ZMYND8: variants seen among roughly 807,000 people sequenced by gnomAD.
The protein encoded by ZMYND8 is zinc finger MYND-type containing 8.
Under a neutral mutation model 140.8 loss-of-function variants are expected in ZMYND8, and 37 were observed. The ratio of observed to expected loss-of-function variants is 0.26; its 90% CI spans 0.20 to 0.35. ZMYND8 has a LOEUF of 0.35. Ranked by LOEUF, ZMYND8 falls within the 10% of genes least tolerant of loss-of-function variation. ZMYND8 has a pLI of 1.00. For missense variants in ZMYND8, 1,068 were observed against 1,570.0 expected (o/e 0.68, Z 5.40); for synonymous variants, 592 against 597.1 (o/e 0.99, Z 0.12).
At chr20:47,268,919 G>T (rs1249006254) in intron 11 of ZMYND8, among the ~76,000 whole-genome samples, 1 of 152,160 alleles carries the variant, frequency 6.6e-6, no homozygotes, top group Non-Finnish European at 1.5e-5. Context: ...GATATGACAA[G>T]GCCGGACGCA....
At chr20:47,289,308 A>C (rs1163931448) in intron 7 of ZMYND8, among the ~76,000 whole-genome samples, 3 of 152,210 alleles carry the variant, frequency 2.0e-5, no homozygotes, top group Non-Finnish European at 4.4e-5. Flanking sequence ...AGACAATATC[A>C]ACCCTTATAG....
chr20:47,305,885 C>T (rs898688041), intron 3 of ZMYND8, among the ~76,000 whole-genome samples: 9 of 152,152 alleles, frequency 5.9e-5, no homozygotes, highest in Non-Finnish European at 1.3e-4. Flanking sequence ...AAGACCCTGA[C>T]GTCATTTGGG....
In ZMYND8 at chr20:47,290,273, T is replaced by C; in HGVS notation, c.662A>G (p.Asn221Ser). ...HPMDLCTLEKNAKKKMYGCTE... is the reference protein window; with the variant it reads ...HPMDLCTLEKSAKKKMYGCTE... ...GCAGCCATACATTTTCTTTTTCGCA[T>C]TCTGGGAAGAAAAGCGATGGAGCAT... Residue 221 changes from asparagine (N) to serine (S), a missense_variant and splice_region_variant, in exon 7 of 23, where the codon AAT becomes AGT. Asn to Ser is a conservative substitution (Grantham distance 46). Transcript: ENST00000471951. 1 of 1,613,290 alleles carries C rather than the reference T, an allele frequency of 6.2e-7. No homozygotes were observed. The highest frequency in any genetic ancestry group is 8.5e-7 in the Non-Finnish European group (1 of 1,179,702).
At chr20:47,215,481 A>G (rs527649991) in intron 21 of ZMYND8, among the ~76,000 whole-genome samples, 8 of 152,012 alleles carry the variant, frequency 5.3e-5, no homozygotes, top group African/African-American at 9.7e-5. Context: ...TGTGTAAAGA[A>G]AGGGAAATGG....
intron 9 of ZMYND8, among the ~76,000 whole-genome samples, chr20:47,282,732 A>T (rs1366075085): frequency 1.3e-5 from 2 of 151,918 alleles, no homozygotes; most frequent in Non-Finnish European, 2.9e-5. Context: ...TCAAAAAAAA[A>T]AAAACAAAAA....
intron 12 of ZMYND8, 100 bp downstream of exon 12, chr20:47,262,188 A>G: frequency 6.5e-7 from 1 of 1,534,212 alleles, no homozygotes; most frequent in Non-Finnish European, 8.9e-7. Context: ...GCATAGAGAA[A>G]AGAGTTGAAG....
In ZMYND8 at chr20:47,283,675, T is replaced by C. The variant is rs751917370; in HGVS notation, c.805-27A>G. On this transcript the variant is annotated intron_variant, in intron 8 of 22. Transcript: ENST00000471951. ...TGTAAAGCAAAAATACATTAGAATGTGTCACCCCAGGGGTGGATATCTTGT... is the reference window on the plus strand; with the variant it reads ...TGTAAAGCAAAAATACATTAGAATGCGTCACCCCAGGGGTGGATATCTTGT... 1.3e-5 allele frequency: 21 copies of C among 1,608,792 alleles called. No homozygotes were observed. In the Admixed American group the frequency reaches 2.8e-4, roughly 22 times the overall value.
chr20:47,320,295 A>C (rs578160077), intron 2 of ZMYND8: 1 of 152,388 alleles, frequency 6.6e-6, no homozygotes, highest in East Asian at 1.9e-4. Context: ...CACCTAAAGA[A>C]GGCAAAATTC....
intron 6 of ZMYND8, among the ~76,000 whole-genome samples, chr20:47,290,583 GT>G (rs71183240): frequency 0.2 from 12,911 of 64,940 alleles, 235 homozygotes; most frequent in African/African-American, 0.29. Context: ...TATTTATTTA[GT>G]TTTTTTTTTT....
chr20:47,348,118 G>C, intron 1 of ZMYND8, 192 bp from the exon 2 acceptor site: 1 of 625,320 alleles, frequency 1.6e-6, no homozygotes, highest in South Asian at 1.8e-5. Flanking sequence ...TAAAACACTA[G>C]GTTGTTCTTT....
At chr20:47,344,742 G>A (rs754190530) in intron 2 of ZMYND8, among the ~76,000 whole-genome samples, 20 of 152,128 alleles carry the variant, frequency 1.3e-4, no homozygotes, top group Non-Finnish European at 2.5e-4. Context: ...GGCTAACATG[G>A]GAACTCTTGG....
chr20:47,222,397 G>A (rs142930429), intron 19 of ZMYND8, among the ~76,000 whole-genome samples: 5,567 of 152,264 alleles, frequency 0.037, 287 homozygotes, highest in African/African-American at 0.12. Context: ...TTAGCCAGGC[G>A]TGGTGGCGGG....
intron 1 of ZMYND8, chr20:47,352,336 G>A: frequency 1.1e-5 from 6 of 569,522 alleles, no homozygotes; most frequent in Non-Finnish European, 8.9e-6. Flanking sequence ...TAAAAAGGCT[G>A]TTTATAAGCC....
At chr20:47,338,679 G>A (rs966002798) in intron 2 of ZMYND8, among the ~76,000 whole-genome samples, 3 of 152,122 alleles carry the variant, frequency 2.0e-5, no homozygotes, top group Non-Finnish European at 2.9e-5. Context: ...TCACTATGGG[G>A]CACGAGAGCT....
At chr20:47,246,541 C>T (rs1329655313) in intron 13 of ZMYND8, 24 bp from the exon 14 acceptor site, 1 of 1,545,352 alleles carries the variant, frequency 6.5e-7, no homozygotes, top group Admixed American at 2.1e-5. Flanking sequence ...GAAAACCCAG[C>T]ATGTGGCGTA....
In ZMYND8 at chr20:47,209,692, T is replaced by G. The variant is rs959054293; in HGVS notation, c.*1069A>C. The stretch of plus-strand genomic sequence containing the variant: ...ACCTTTTGCTTTTTCATCAATGCTT[T>G]TTGTTTTACACAACATACAAAATGG... On this transcript the variant is annotated 3_prime_UTR_variant, in exon 23 of 23. Transcript: ENST00000471951. 15 of 152,698 alleles carry G rather than the reference T, an allele frequency of 9.8e-5. 1 individual carries two copies. The highest frequency in any genetic ancestry group is 3.9e-4 in the Admixed American group (6 of 15,288). 9.5% of individuals were successfully genotyped at this position (152,698 alleles called of 1,614,324 possible). A position where few individuals can be genotyped will look rare whatever the true frequency, so the allele number is the denominator to read the frequency against.
chr20:47,300,884 T>TG lies in ZMYND8; in HGVS notation c.235-1938_235-1937insC, dbSNP rs1454653101. Among the ~76,000 whole-genome samples, 8 of 130,388 alleles carry TG rather than the reference T, an allele frequency of 6.1e-5. No homozygotes were observed. The South Asian group carries it at 1.5e-3, about 24-fold the overall frequency. 85.5% of individuals were successfully genotyped at this position (130,388 alleles called of 152,430 possible). Reference sequence around the variant, plus strand: ...TGAGCGCCACCATGCACAACTAATTTTGTGTGTGTGTGTGTGTGTGTGTGT... The same window carrying TG: ...TGAGCGCCACCATGCACAACTAATTTGTGTGTGTGTGTGTGTGTGTGTGTGT... On this transcript the variant is annotated intron_variant, in intron 3 of 22. Transcript: ENST00000471951.
chr20:47,252,350 GGAC>G (rs1361754838), intron 12 of ZMYND8, among the ~76,000 whole-genome samples: 8 of 147,408 alleles, frequency 5.4e-5, no homozygotes, highest in African/African-American at 2.0e-4. Flanking sequence ...CAGGACTCAA[GGAC>G]TTAACAGCTG....
rs2077758007 is a variant in ZMYND8 at position 47,298,055 on chromosome 20, C to T, written c.453+674G>A. 1.3e-5 allele frequency among the ~76,000 whole-genome samples: 2 copies of T among 152,194 alleles called. No individual in the cohort carries two copies. Among genetic ancestry groups the T allele is most frequent in the African/African-American group, 4.8e-5 (2 of 41,444 alleles). On this transcript the variant is annotated intron_variant, in intron 4 of 22. Coordinates refer to ENST00000471951, the MANE Select transcript of ZMYND8 (RefSeq NM_001281775.3). The surrounding 1 kb of genome is among the most constrained non-coding windows in gnomAD (Gnocchi z 5.0). ...TGAGGCTTTCCCAGACCACCACATTCAAAATGAAAACACCTTGCACTCCCT... is the reference window on the plus strand; with the variant it reads ...TGAGGCTTTCCCAGACCACCACATTTAAAATGAAAACACCTTGCACTCCCT...
Sources: gnomAD v4.1 joint callset for allele counts (sites outside exome capture counted in the v4.1 genomes callset) on GRCh38, gnomAD v4.1.1 for gene constraint, Gnocchi (gnomAD v3.1) non-coding constraint, MANE v1.5 for transcripts, NCBI Gene and HGNC (gene_info 2026-07-23, HGNC 2026-07-21) for gene names.